The following FXR1 variants were observed in gnomAD, a reference collection of about 807,000 sequenced individuals.
FXR1 encodes RNA-binding protein FXR1.
Under a neutral mutation model 84.0 loss-of-function variants are expected in FXR1, and 15 were observed. The ratio of observed to expected loss-of-function variants is 0.18; its 90% CI spans 0.12 to 0.27. The LOEUF is 0.27. Among genes scored for constraint, FXR1 ranks in the 10% least tolerant of loss-of-function variants. FXR1 has a pLI of 1.00. For missense variants in FXR1, 480 were observed against 774.4 expected (o/e 0.62, Z 4.51); for synonymous variants, 245 against 250.7 (o/e 0.98, Z 0.21).
chr3:180,940,191 G>T (rs1015254420), intron 3 of FXR1, among the ~76,000 whole-genome samples: 2 of 152,074 alleles, frequency 1.3e-5, no homozygotes, highest in Non-Finnish European at 2.9e-5. Flanking sequence ...CTAATTAGTG[G>T]TTTTTTATTT....
intron 15 of FXR1, among the ~76,000 whole-genome samples, chr3:180,971,982 T>C (rs1156528142): frequency 1.3e-5 from 2 of 152,204 alleles, no homozygotes; most frequent in Non-Finnish European, 2.9e-5. Flanking sequence ...ATCTTTACTA[T>C]TTTAAATTTA....
intron 9 of FXR1, among the ~76,000 whole-genome samples, chr3:180,956,535 C>T (rs1366616474): frequency 6.6e-6 from 1 of 152,114 alleles, no homozygotes; most frequent in Non-Finnish European, 1.5e-5. Flanking sequence ...GGTATGTCAA[C>T]CTAATCTTTG....
chr3:180,916,043 A>G (rs1717852999), intron 1 of FXR1, among the ~76,000 whole-genome samples: 1 of 152,224 alleles, frequency 6.6e-6, no homozygotes, highest in African/African-American at 2.4e-5. Flanking sequence ...TTGGTGGGCT[A>G]TGCTGTTATA....
At position 180,977,518 on chromosome 3, in the gene FXR1, C is replaced by G. The variant is rs574502111; in HGVS notation, c.*1226C>G. 10 of 152,190 alleles carry G rather than the reference C, an allele frequency of 6.6e-5. No homozygotes were observed. Among genetic ancestry groups the G allele is most frequent in the African/African-American group, 1.9e-4 (8 of 41,556 alleles). The allele number at this position is 152,190 out of a possible 1,614,324, so 9.4% of individuals were successfully genotyped here. On this transcript the variant is annotated 3_prime_UTR_variant, in exon 17 of 17. Transcript: ENST00000357559. ...TCATTCTCAACTTATTTTGAAGGCT[C>G]TCATATCAGTGACCAAAAATCAGTT...
At chr3:180,938,291 A>G (rs1349998540) in intron 3 of FXR1, among the ~76,000 whole-genome samples, 2 of 152,172 alleles carry the variant, frequency 1.3e-5, no homozygotes, top group African/African-American at 2.4e-5. Flanking sequence ...ATTACTTTAT[A>G]CTTTTATTAA....
chr3:180,968,056 A>C lies in FXR1; in HGVS notation c.1204A>C (p.Asn402His). ...GPNYTSGYGTNSELSNPSETE... is the reference protein window; with the variant it reads ...GPNYTSGYGTHSELSNPSETE... ...ATGTTCTTTTCTTTTCCAAGGTACAAATTCTGAGCTGTCTAACCCCTCTGA... is the reference window on the plus strand; with the variant it reads ...ATGTTCTTTTCTTTTCCAAGGTACACATTCTGAGCTGTCTAACCCCTCTGA... The change falls in exon 14 of 17, where the codon AAT (asparagine) becomes CAT (histidine). Residue 402 changes from asparagine to histidine, a missense_variant. Transcript: ENST00000357559. The C allele has an allele frequency of 6.2e-7, 1 of 1,605,696 alleles. No individual in the cohort carries two copies. The highest frequency in any genetic ancestry group is 2.2e-5 in the East Asian group (1 of 44,836).
At chr3:180,961,887 A>G (rs958741238) in intron 11 of FXR1, among the ~76,000 whole-genome samples, 6 of 152,150 alleles carry the variant, frequency 3.9e-5, no homozygotes, top group African/African-American at 4.8e-5. Context: ...GCATGTTCAT[A>G]CTGGAGCCAT....
At chr3:180,958,366 G>A (rs957663732) in intron 10 of FXR1, among the ~76,000 whole-genome samples, 4 of 151,986 alleles carry the variant, frequency 2.6e-5, no homozygotes, top group African/African-American at 9.7e-5. Flanking sequence ...CCAATATGTA[G>A]TCTTTTATCT....
chr3:180,945,894 T>C (rs1721643051), intron 3 of FXR1, among the ~76,000 whole-genome samples: 1 of 88,252 alleles, frequency 1.1e-5, no homozygotes, highest in South Asian at 3.8e-4. Context: ...GTTTGAGAAA[T>C]ACATCGTTTG....
rs1299575456 is a variant in FXR1, at chr3:180,978,047, AC to A, written c.*1758del. The A allele has an allele frequency of 6.6e-6, 1 of 152,010 alleles. No homozygotes were observed. Among genetic ancestry groups the A allele is most frequent in the Non-Finnish European group, 1.5e-5 (1 of 67,952 alleles). 9.4% of individuals were successfully genotyped at this position (152,010 alleles called of 1,614,324 possible). ...TCATGTCCTGATATTTAAAAAAATTACCCACAAATGTGTTTTTTTAAATCGA... is the reference window on the plus strand; with the variant it reads ...TCATGTCCTGATATTTAAAAAAATTACCACAAATGTGTTTTTTTAAATCGA... On this transcript the variant is annotated 3_prime_UTR_variant, in exon 17 of 17. Coordinates refer to ENST00000357559, the MANE Select transcript of FXR1 (RefSeq NM_005087.4).
At chr3:180,922,625 G>A (rs1006228201) in intron 1 of FXR1, among the ~76,000 whole-genome samples, 2 of 151,986 alleles carry the variant, frequency 1.3e-5, no homozygotes, top group African/African-American at 4.8e-5. Context: ...TTTTGAGATA[G>A]GATCTCAAAA....
At chr3:180,924,167 C>T (rs933420719) in intron 1 of FXR1, among the ~76,000 whole-genome samples, 1 of 152,088 alleles carries the variant, frequency 6.6e-6, no homozygotes, top group African/African-American at 2.4e-5. Context: ...CCATGTTGGC[C>T]TCGAACTCCT....
chr3:180,946,126 A>G (rs573450061), intron 3 of FXR1, among the ~76,000 whole-genome samples: 6 of 152,328 alleles, frequency 3.9e-5, no homozygotes, highest in East Asian at 1.9e-4. Flanking sequence ...CAACTGGTCA[A>G]CGGTAGCTAA....
intron 1 of FXR1, chr3:180,933,059 G>C (rs1163938187): frequency 1.1e-5 from 4 of 358,554 alleles, no homozygotes; most frequent in African/African-American, 8.6e-5. Flanking sequence ...TAACTGCCTT[G>C]CTGAACTAAT....
intron 3 of FXR1, among the ~76,000 whole-genome samples, chr3:180,943,755 A>G (rs781490607): frequency 1.3e-5 from 2 of 152,178 alleles, no homozygotes; most frequent in Admixed American, 6.5e-5. Context: ...AGCCAGATTC[A>G]TGAATGATTA....
rs1343179889 is a variant in FXR1, at chr3:180,953,953, G to T, written c.880+113G>T. 4 of 603,916 alleles carry T rather than the reference G, an allele frequency of 6.6e-6. No homozygotes were observed. The East Asian group carries it at 8.7e-5, about 13-fold the overall frequency. The allele number at this position is 603,916 out of a possible 1,614,324, so 37.4% of individuals were successfully genotyped here. A position where few individuals can be genotyped will look rare whatever the true frequency, so the allele number is the denominator to read the frequency against. On this transcript the variant is annotated intron_variant, in intron 9 of 16. Coordinates refer to ENST00000357559, the MANE Select transcript of FXR1 (RefSeq NM_005087.4). The stretch of plus-strand genomic sequence containing the variant: ...GATAACCTTATTCCAGTTATGTGTA[G>T]ATTTATTTAGATAGCAATACTTCTT...
At chr3:180,931,026 C>CAAAAAAAAAAAA (rs57731098) in intron 1 of FXR1, among the ~76,000 whole-genome samples, 1,785 of 55,452 alleles carry the variant, frequency 0.032, 266 homozygotes, top group Middle Eastern at 0.086. Context: ...GAGACTGCCT[C>CAAAAAAAAAAAA]AAAAAAAAAA....
intron 13 of FXR1, among the ~76,000 whole-genome samples, chr3:180,965,676 T>C (rs757848033): frequency 6.6e-6 from 1 of 152,214 alleles, no homozygotes; most frequent in African/African-American, 2.4e-5. Context: ...AATCTCTCTA[T>C]CTCAAGGTCC....
At chr3:180,956,600 T>G (rs982244049) in intron 9 of FXR1, among the ~76,000 whole-genome samples, 1 of 152,180 alleles carries the variant, frequency 6.6e-6, no homozygotes, top group Non-Finnish European at 1.5e-5. Context: ...AGTTGCTGCT[T>G]GAGCTTCACT....
Sources: gnomAD v4.1 joint callset for allele counts (sites outside exome capture counted in the v4.1 genomes callset) on GRCh38, gnomAD v4.1.1 for gene constraint, MANE v1.5 for transcripts, NCBI Gene and HGNC (gene_info 2026-07-23, HGNC 2026-07-21) for gene names.